Variants in LCLAT1 observed in about 807,000 individuals in gnomAD.
LCLAT1 encodes the protein 1-AGP acyltransferase 8.
Under a neutral mutation model 30.7 loss-of-function variants are expected in LCLAT1, and 11 were observed. That is an observed-to-expected ratio of 0.36 (90% CI 0.23 to 0.59). The LOEUF (loss-of-function observed/expected upper bound fraction) is 0.59. LCLAT1 is among the 20% of genes least tolerant of loss of function. LCLAT1 has a pLI of 0.77. For missense variants in LCLAT1, 402 were observed against 458.6 expected, an observed-to-expected ratio of 0.88 and a Z score of 1.13; for synonymous variants, 155 against 151.3, an observed-to-expected ratio of 1.02 and a Z score of -0.18.
intron 1 of LCLAT1, among the ~76,000 whole-genome samples, chr2:30,496,817 C>T (rs1338250638): frequency 6.6e-6 from 1 of 152,194 alleles, no homozygotes; most frequent in Non-Finnish European, 1.5e-5. Context: ...ATACCATATA[C>T]ACTGTGCTTT....
At chr2:30,561,458 C>A (rs1203926091) in intron 3 of LCLAT1, among the ~76,000 whole-genome samples, 1 of 152,124 alleles carries the variant, frequency 6.6e-6, no homozygotes, top group Non-Finnish European at 1.5e-5. Flanking sequence ...AGTTAGGTAT[C>A]TACTGTAGTA....
chr2:30,587,848 A>G (rs936337258), intron 5 of LCLAT1, among the ~76,000 whole-genome samples: 2 of 152,206 alleles, frequency 1.3e-5, no homozygotes, highest in Admixed American at 6.5e-5. Flanking sequence ...TCCAAGATCA[A>G]TGATTAAAAG....
At chr2:30,535,027 A>T (rs1465048161) in intron 3 of LCLAT1, among the ~76,000 whole-genome samples, 1 of 152,200 alleles carries the variant, frequency 6.6e-6, no homozygotes, top group Non-Finnish European at 1.5e-5. Context: ...GAAAAATACA[A>T]CTGACAAAAT....
At chr2:30,618,418 GTCTT>G (rs916004254) in intron 5 of LCLAT1, among the ~76,000 whole-genome samples, 1 of 152,038 alleles carries the variant, frequency 6.6e-6, no homozygotes, top group African/African-American at 2.4e-5. Context: ...ATTTATATGG[GTCTT>G]TCTCTCAGTC....
chr2:30,556,742 CTTTT>C (rs35188565), intron 3 of LCLAT1, among the ~76,000 whole-genome samples: 167 of 114,792 alleles, frequency 1.5e-3, no homozygotes, highest in Admixed American at 1.5e-3. Flanking sequence ...TTTAGAAAGT[CTTTT>C]TTTTTTTTTT....
At chr2:30,636,354 T>G (rs1310729324) in intron 5 of LCLAT1, among the ~76,000 whole-genome samples, 1 of 152,184 alleles carries the variant, frequency 6.6e-6, no homozygotes, top group African/African-American at 2.4e-5. Context: ...ACTATGTTGG[T>G]ATCAGTGGAC....
intron 5 of LCLAT1, among the ~76,000 whole-genome samples, chr2:30,569,194 G>A (rs1024231546): frequency 1.3e-5 from 2 of 152,080 alleles, no homozygotes; most frequent in African/African-American, 4.8e-5. Context: ...CTTTCAAACT[G>A]TGTCTATTCA....
chr2:30,506,018 G>A (rs1244963503), intron 1 of LCLAT1, among the ~76,000 whole-genome samples: 3 of 152,106 alleles, frequency 2.0e-5, no homozygotes, highest in African/African-American at 7.2e-5. Flanking sequence ...ATCCATTAAC[G>A]GTTCAGAGTC....
At chr2:30,616,174 G>T (rs1372221477) in intron 5 of LCLAT1, among the ~76,000 whole-genome samples, 1 of 152,148 alleles carries the variant, frequency 6.6e-6, no homozygotes, top group African/African-American at 2.4e-5. Flanking sequence ...TAAGTGAACG[G>T]TTTTTTTGTT....
intron 1 of LCLAT1, among the ~76,000 whole-genome samples, chr2:30,485,153 T>C (rs968308657): frequency 6.6e-6 from 1 of 152,174 alleles, no homozygotes; most frequent in Admixed American, 6.5e-5. Context: ...ATAAGAGATA[T>C]ATACTACTAT....
chr2:30,505,797 C>T (rs1684632400), intron 1 of LCLAT1, among the ~76,000 whole-genome samples: 1 of 152,120 alleles, frequency 6.6e-6, no homozygotes, highest in Non-Finnish European at 1.5e-5. Flanking sequence ...ATATACTTGG[C>T]TTCTATGTAT....
intron 5 of LCLAT1, among the ~76,000 whole-genome samples, chr2:30,586,859 C>T (rs1199236301): frequency 6.6e-6 from 1 of 152,168 alleles, no homozygotes; most frequent in Middle Eastern, 3.2e-3. Context: ...AAAAACCATG[C>T]AACTACACGG....
chr2:30,571,492 G>GCT (rs200387024), intron 5 of LCLAT1, among the ~76,000 whole-genome samples: 997 of 152,266 alleles, frequency 6.5e-3, no homozygotes, highest in African/African-American at 0.023. Flanking sequence ...TAATTTCTTA[G>GCT]ATTTTTGCTT....
rs551977629 is a variant in LCLAT1 at position 30,588,408 on chromosome 2, C to T, written c.628+20232C>T. 6.6e-5 allele frequency among the ~76,000 whole-genome samples: 10 copies of T among 152,304 alleles called. No homozygotes were observed. The East Asian group carries it at 1.9e-3, about 29-fold the overall frequency. ...CAAACATCCTTTTCAGAGGCTTCTT[C>T]CTCACTGCCATATCATTCATGCACA... is the stretch of plus-strand genomic sequence containing the variant. On this transcript the variant is annotated intron_variant, in intron 5 of 5. Coordinates refer to ENST00000379509, the MANE Select transcript of LCLAT1 (RefSeq NM_001002257.3).
chr2:30,549,679 A>G (rs1294780295), intron 3 of LCLAT1, among the ~76,000 whole-genome samples: 3 of 152,202 alleles, frequency 2.0e-5, no homozygotes, highest in African/African-American at 7.2e-5. Context: ...TTTGACTTCC[A>G]TGCCTTCAGT....
chr2:30,500,960 A>G (rs909194109), intron 1 of LCLAT1, among the ~76,000 whole-genome samples: 3 of 152,140 alleles, frequency 2.0e-5, no homozygotes, highest in African/African-American at 7.2e-5. Flanking sequence ...CCGTATCTGG[A>G]CAATGAGACA....
intron 1 of LCLAT1, among the ~76,000 whole-genome samples, chr2:30,515,906 CA>C (rs1371154431): frequency 1.3e-5 from 2 of 152,226 alleles, no homozygotes; most frequent in African/African-American, 4.8e-5. Context: ...TGCCCTTCCC[CA>C]AGTTTTGGTG....
chr2:30,593,886 G>A (rs1267128479), intron 5 of LCLAT1, among the ~76,000 whole-genome samples: 1 of 144,598 alleles, frequency 6.9e-6, no homozygotes, highest in Non-Finnish European at 1.5e-5. Context: ...TTGCACCACT[G>A]CATTCCACCT....
intron 5 of LCLAT1, among the ~76,000 whole-genome samples, chr2:30,602,811 C>CA: frequency 6.6e-6 from 1 of 152,118 alleles, no homozygotes. Flanking sequence ...CACACTAGCT[C>CA]AGTATTAGCT....
Sources: gnomAD v4.1 joint callset for allele counts (sites outside exome capture counted in the v4.1 genomes callset) on GRCh38, gnomAD v4.1.1 for gene constraint, MANE v1.5 for transcripts, NCBI Gene and HGNC (gene_info 2026-07-23, HGNC 2026-07-21) for gene names.